The following MIPEP variants were observed in gnomAD, a reference collection of about 807,000 sequenced individuals.
MIPEP encodes mitochondrial intermediate peptidase.
A neutral mutation model predicts 90.3 loss-of-function variants in MIPEP; 79 were observed. The ratio of observed to expected loss-of-function variants is 0.87; its 90% CI spans 0.73 to 1.05. The LOEUF (loss-of-function observed/expected upper bound fraction) is 1.05, where lower values mean the gene tolerates loss of function less well. Among genes scored for constraint, MIPEP ranks in the 50% least tolerant of loss-of-function variants. MIPEP has a pLI of 0.00. For missense variants in MIPEP, 940 were observed against 905.6 expected (o/e 1.04, Z -0.49); for synonymous variants, 334 against 315.8 (o/e 1.06, Z -0.61).
At chr13:23,848,542 T>C (rs1181627284) in intron 10 of MIPEP, among the ~76,000 whole-genome samples, 7 of 152,008 alleles carry the variant, frequency 4.6e-5, no homozygotes, top group Non-Finnish European at 7.4e-5. Context: ...AAACAAGGCA[T>C]TGGCTCAAAG....
chr13:23,733,033 C>T (rs1394722931), intron 18 of MIPEP, among the ~76,000 whole-genome samples: 1 of 151,974 alleles, frequency 6.6e-6, no homozygotes, highest in Non-Finnish European at 1.5e-5. Context: ...AGGCCAGATA[C>T]GGAGATGAAG....
chr13:23,834,614 T>C (rs1868940721), intron 14 of MIPEP, among the ~76,000 whole-genome samples: 1 of 152,250 alleles, frequency 6.6e-6, no homozygotes, highest in South Asian at 2.1e-4. Context: ...CCTCAATAAA[T>C]GTATTTTGGT....
intron 9 of MIPEP, 64 bp from the exon 10 acceptor site, chr13:23,858,976 G>T: frequency 2.2e-6 from 3 of 1,339,436 alleles, no homozygotes; most frequent in Non-Finnish European, 3.2e-6. Context: ...TATCAGCAAC[G>T]TGGCCAGCCT....
Position 23,870,010 on chromosome 13 carries a change from T to C in MIPEP, c.786+3A>G. 1 of 1,586,878 alleles carries C rather than the reference T, an allele frequency of 6.3e-7. No homozygotes were observed. The highest frequency in any genetic ancestry group is 8.6e-7 in the Non-Finnish European group (1 of 1,165,536). ...AACAACAAAGAGAATGAAACATACA[T>C]ACCAAGTCATCTGGTGATTCTGCGT... On this transcript the variant is annotated splice_donor_region_variant and intron_variant, in intron 6 of 18. Coordinates refer to ENST00000382172, the MANE Select transcript of MIPEP (RefSeq NM_005932.4).
chr13:23,866,642 C>T (rs1210585755), intron 7 of MIPEP, among the ~76,000 whole-genome samples: 1 of 152,174 alleles, frequency 6.6e-6, no homozygotes, highest in Admixed American at 6.5e-5. Context: ...CATCTGGCAG[C>T]GTTAACTAGC....
intron 2 of MIPEP, among the ~76,000 whole-genome samples, chr13:23,886,094 T>C (rs1319272469): frequency 6.6e-6 from 1 of 152,034 alleles, no homozygotes; most frequent in Non-Finnish European, 1.5e-5. Flanking sequence ...ATATATTACA[T>C]GTATATTTTA....
At chr13:23,877,536 T>C (rs1314717747) in intron 4 of MIPEP, among the ~76,000 whole-genome samples, 1 of 152,164 alleles carries the variant, frequency 6.6e-6, no homozygotes, top group African/African-American at 2.4e-5. Flanking sequence ...GACTCTAAAC[T>C]ACTAAAATTC....
intron 14 of MIPEP, among the ~76,000 whole-genome samples, chr13:23,826,930 C>T (rs890877190): frequency 1.4e-4 from 22 of 152,124 alleles, no homozygotes; most frequent in African/African-American, 3.1e-4. Context: ...GCATCTGTAT[C>T]GAACATGTAC....
chr13:23,738,591 G>A (rs1253910501), intron 18 of MIPEP, among the ~76,000 whole-genome samples: 1 of 151,562 alleles, frequency 6.6e-6, no homozygotes, highest in Admixed American at 6.6e-5. Flanking sequence ...GGGACTATAG[G>A]AATGCACCAC....
chr13:23,770,412 G>A (rs566215871), intron 16 of MIPEP, among the ~76,000 whole-genome samples: 3 of 152,236 alleles, frequency 2.0e-5, no homozygotes, highest in African/African-American at 7.2e-5. Context: ...GACCTTCTCT[G>A]ATGAGTAAAA....
At chr13:23,866,285 T>C (rs1446810405) in intron 7 of MIPEP, among the ~76,000 whole-genome samples, 1 of 152,174 alleles carries the variant, frequency 6.6e-6, no homozygotes, top group African/African-American at 2.4e-5. Context: ...CTATTATTAT[T>C]TATCTTTTTA....
chr13:23,886,597 A>T, intron 1 of MIPEP, 91 bp from the exon 2 acceptor site: 1 of 1,093,246 alleles, frequency 9.1e-7, no homozygotes, highest in Non-Finnish European at 1.3e-6. Context: ...CACAAAGGAG[A>T]TCTTGACTTT....
rs1952787751 is a variant in MIPEP at position 23,781,985 on chromosome 13, G to C, written c.1849-21768C>G. On this transcript the variant is annotated intron_variant, in intron 16 of 18. Coordinates refer to ENST00000382172, the MANE Select transcript of MIPEP (RefSeq NM_005932.4). ...CCTTAGAGATCTACAAAGAGACTTA[G>C]ACTCCCACACAATAATAATGGGAGA... Among the ~76,000 whole-genome samples the C allele has an allele frequency of 5.9e-5, 9 of 152,098 alleles. 1 individual carries two copies. In the South Asian group the frequency reaches 1.9e-3, roughly 32 times the overall value.
chr13:23,840,054 G>A (rs1869227616), intron 11 of MIPEP, among the ~76,000 whole-genome samples: 1 of 152,142 alleles, frequency 6.6e-6, no homozygotes, highest in Non-Finnish European at 1.5e-5. Flanking sequence ...AATTTTAGGA[G>A]CAAATTATTT....
intron 16 of MIPEP, among the ~76,000 whole-genome samples, chr13:23,783,361 T>A (rs1218300183): frequency 6.6e-6 from 1 of 152,178 alleles, no homozygotes; most frequent in African/African-American, 2.4e-5. Flanking sequence ...CACATGATTA[T>A]CTCAACAGAT....
chr13:23,837,410 G>T, intron 13 of MIPEP, 142 bp downstream of exon 13: 1 of 617,018 alleles, frequency 1.6e-6, no homozygotes, highest in African/African-American at 1.8e-5. Flanking sequence ...CATGGGGAGG[G>T]CAGGATGAGG....
At chr13:23,805,246 C>A (rs183266586) in intron 16 of MIPEP, among the ~76,000 whole-genome samples, 1 of 152,104 alleles carries the variant, frequency 6.6e-6, no homozygotes, top group South Asian at 2.1e-4. Flanking sequence ...CTAGGAGTCA[C>A]GGTGCTCAAC....
chr13:23,747,866 G>C (rs1221921410), intron 18 of MIPEP, among the ~76,000 whole-genome samples: 1 of 151,976 alleles, frequency 6.6e-6, no homozygotes, highest in Admixed American at 6.6e-5. Flanking sequence ...TCAGACTCCT[G>C]ACTAGCTGGG....
At chr13:23,861,555 T>C (rs1364368246) in intron 9 of MIPEP, among the ~76,000 whole-genome samples, 2 of 152,232 alleles carry the variant, frequency 1.3e-5, no homozygotes, top group African/African-American at 4.8e-5. Flanking sequence ...GTAAACAGTT[T>C]GTAAATCTGC....
Sources: gnomAD v4.1 joint callset for allele counts (sites outside exome capture counted in the v4.1 genomes callset) on GRCh38, gnomAD v4.1.1 for gene constraint, MANE v1.5 for transcripts, NCBI Gene and HGNC (gene_info 2026-07-23, HGNC 2026-07-21) for gene names.